Variants in CAD observed in about 807,000 individuals in gnomAD.
CAD encodes multifunctional protein CAD.
In CAD, 81 loss-of-function variants were observed where a neutral mutation model predicts 237.2. The ratio of observed to expected loss-of-function variants is 0.34; its 90% CI spans 0.29 to 0.41. The LOEUF is 0.41. Among genes scored for constraint, CAD ranks in the 10% least tolerant of loss-of-function variants. CAD has a pLI of 1.00. For missense variants in CAD, 2,181 were observed against 2,951.7 expected (o/e 0.74, Z 6.05); for synonymous variants, 1,196 against 1,162.8 (o/e 1.03, Z -0.58).
chr2:27,220,741 A>T (rs1426347319), intron 2 of CAD, among the ~76,000 whole-genome samples: 1 of 152,006 alleles, frequency 6.6e-6, no homozygotes, highest in African/African-American at 2.4e-5. Context: ...GCAGATCACA[A>T]GGTCAGGAGA....
In CAD at chr2:27,221,241, C is replaced by A; in HGVS notation, c.246C>A (p.His82Gln). The change falls in exon 3 of 44, where the codon CAC (histidine) becomes CAA (glutamine). Residue 82 changes from histidine to glutamine, a missense_variant. His to Gln is a conservative substitution (Grantham distance 24, BLOSUM62 0). Around this residue, in one of 12 missense-constraint regions of CAD, gnomAD observed 314 missense variants for 339.4 expected, o/e 0.93. Coordinates refer to ENST00000264705, the MANE Select transcript of CAD (RefSeq NM_004341.5). ...AGTGGTTTGAATCCTCGGGCATCCA[C>A]GTAGCAGCACTGGTAGTGGGAGAGT... The part of the protein sequence containing the change: ...LCKWFESSGI[H>Q]VAALVVGECC... 1 of 1,566,074 alleles carries A rather than the reference C, an allele frequency of 6.4e-7. No individual in the cohort carries two copies. Among genetic ancestry groups the A allele is most frequent in the South Asian group, 1.2e-5 (1 of 82,864 alleles).
Position 27,223,689 on chromosome 2 carries a change from C to T in CAD, c.936C>T (p.Phe312=). Residue 312 remains phenylalanine (F), a synonymous_variant, in exon 7 of 44, where the codon TTC becomes TTT. Coordinates refer to ENST00000264705, the MANE Select transcript of CAD (RefSeq NM_004341.5). ...DSLPADWAPL[F]TNANDGSNEG... ...TGCCAGCAGACTGGGCTCCTCTCTTCACCAACGCCAATGATGGTTCCAATG... is the reference window on the plus strand; with the variant it reads ...TGCCAGCAGACTGGGCTCCTCTCTTTACCAACGCCAATGATGGTTCCAATG... 2 of 1,614,208 alleles carry T rather than the reference C, an allele frequency of 1.2e-6. No homozygotes were observed. Among genetic ancestry groups the T allele is most frequent in the Non-Finnish European group, 1.7e-6 (2 of 1,180,024 alleles).
chr2:27,243,479 C>G lies in CAD; in HGVS notation c.6639C>G (p.Ile2213Met). Reference sequence around the variant, plus strand: ...GCCAGGCTGAGAACGGCATGTACATCCGCATGGCTCTGTTAGCCACCGTGC... The same window carrying G: ...GCCAGGCTGAGAACGGCATGTACATGCGCATGGCTCTGTTAGCCACCGTGC... ...YFRQAENGMY[I>M]RMALLATVLG... The change falls in exon 44 of 44, where the codon ATC (isoleucine) becomes ATG (methionine). Residue 2213 changes from isoleucine to methionine, a missense_variant. Ile to Met is a conservative substitution (Grantham distance 10). Around this residue, in one of 12 missense-constraint regions of CAD, gnomAD observed 170 missense variants for 212.1 expected, o/e 0.80. Coordinates refer to ENST00000264705, the MANE Select transcript of CAD (RefSeq NM_004341.5). The G allele has an allele frequency of 6.2e-7, 1 of 1,608,182 alleles. No homozygotes were observed. Among genetic ancestry groups the G allele is most frequent in the Non-Finnish European group, 8.5e-7 (1 of 1,178,114 alleles).
At position 27,232,391 on chromosome 2, in the gene CAD, C is replaced by T. The variant is rs1675802917; in HGVS notation, c.2646-57C>T. On this transcript the variant is annotated intron_variant, in intron 17 of 43. Transcript: ENST00000264705. This position sits in a 1 kb window ranked among gnomAD's most constrained non-coding sequence, Gnocchi z 4.1. Reference sequence around the variant, plus strand: ...ATCTGTGCCCTGGGGTCTCAACCCTCTATCAGTCTGTACCCTACTCTCTGG... The same window carrying T: ...ATCTGTGCCCTGGGGTCTCAACCCTTTATCAGTCTGTACCCTACTCTCTGG... The T allele has an allele frequency of 1.5e-5, 24 of 1,606,460 alleles. No homozygotes were observed. Among genetic ancestry groups the T allele is most frequent in the South Asian group, 2.2e-5 (2 of 89,796 alleles).
rs747346977 is a variant in CAD, at chr2:27,222,587, T to A, written c.564T>A (p.Asn188Lys). 1 of 1,614,114 alleles carries A rather than the reference T, an allele frequency of 6.2e-7. No homozygotes were observed. The highest frequency in any genetic ancestry group is 8.5e-7 in the Non-Finnish European group (1 of 1,180,016). The change falls in exon 5 of 44, where the codon AAT becomes AAA. Residue 188 changes from asparagine (N) to lysine (K), a missense_variant. By Grantham distance (94) the Asn-to-Lys change is moderately conservative. Around this residue, in one of 12 missense-constraint regions of CAD, gnomAD observed 314 missense variants for 339.4 expected, o/e 0.93. Transcript: ENST00000264705. Reference sequence around the variant, plus strand: ...CTTTGGACTGTGGCCTCAAGTATAATCAGATCCGATGCCTCTGCCAGCGTG... The same window carrying A: ...CTTTGGACTGTGGCCTCAAGTATAAACAGATCCGATGCCTCTGCCAGCGTG... ...ILALDCGLKY[N>K]QIRCLCQRGA...
rs771006887 is a variant in CAD at position 27,224,928 on chromosome 2, G to A, written c.1386+52G>A. 15 of 1,612,390 alleles carry A rather than the reference G, an allele frequency of 9.3e-6. No homozygotes were observed. In the East Asian group the frequency reaches 3.1e-4, roughly 34 times the overall value. ...AAAGAGGACTGGGCAGGGGGGCCCA[G>A]TGGTCACTGTGGGTTATTAAACTTT... On this transcript the variant is annotated intron_variant, in intron 10 of 43. Transcript: ENST00000264705.
intron 2 of CAD, among the ~76,000 whole-genome samples, chr2:27,219,899 T>C (rs1675071946): frequency 6.6e-6 from 1 of 152,212 alleles, no homozygotes; most frequent in Non-Finnish European, 1.5e-5. Flanking sequence ...TTTTCTTTTT[T>C]AAATAATCCC....
In CAD at chr2:27,217,871, T is replaced by C. The variant is rs2148051059; in HGVS notation, c.83-6T>C. On this transcript the variant is annotated splice_region_variant and splice_polypyrimidine_tract_variant and intron_variant, in intron 1 of 43. Transcript: ENST00000264705. Reference sequence around the variant, plus strand: ...ACCGGAGCCCAGCCCTGCTTCTTTCTTGCAGTGTTTCAAACCGGCATGGTC... The same window carrying C: ...ACCGGAGCCCAGCCCTGCTTCTTTCCTGCAGTGTTTCAAACCGGCATGGTC... The C allele has an allele frequency of 6.3e-7, 1 of 1,596,474 alleles. No individual in the cohort carries two copies. The highest frequency in any genetic ancestry group is 2.2e-5 in the East Asian group (1 of 44,514).
At position 27,224,364 on chromosome 2, in the gene CAD, G is replaced by A. The variant is rs545224716; in HGVS notation, c.1128G>A (p.Glu376=). ...GGQTVRERLT[E]RLCPPGIPTP... is the part of the protein sequence containing the mutation. ...CCACAGTTAGAGAGCGGCTGACTGA[G>A]CGCCTCTGTCCCCCTGGGATTCCCA... Residue 376 remains glutamate, a synonymous_variant, in exon 9 of 44, where the codon GAG becomes GAA. Transcript: ENST00000264705. 6.2e-7 allele frequency: 1 copy of A among 1,614,214 alleles called. No homozygotes were observed. Among genetic ancestry groups the A allele is most frequent in the Admixed American group, 1.7e-5 (1 of 60,030 alleles).
In CAD at chr2:27,239,431, G is replaced by A. The variant is rs750293336; in HGVS notation, c.5354G>A (p.Arg1785His). Reference sequence around the variant, plus strand: ...CAGAAAGTGAAGGGCACCGTCCGCCGTGTGGTCCTGCGAGGGGAGGTTGCC... The same window carrying A: ...CAGAAAGTGAAGGGCACCGTCCGCCATGTGGTCCTGCGAGGGGAGGTTGCC... ...EGQKVKGTVR[R>H]VVLRGEVAYI... The change falls in exon 33 of 44, where the codon CGT becomes CAT. Residue 1785 changes from arginine (R) to histidine (H), a missense_variant. Physicochemically the swap from Arg to His is conservative, Grantham distance 29 (BLOSUM62 0). Coordinates refer to ENST00000264705, the MANE Select transcript of CAD (RefSeq NM_004341.5). This position sits in a 1 kb window ranked among gnomAD's most constrained non-coding sequence, Gnocchi z 4.0. The A allele has an allele frequency of 5.0e-6, 8 of 1,613,902 alleles. No homozygotes were observed. Among genetic ancestry groups the A allele is most frequent in the South Asian group, 1.1e-5 (1 of 91,088 alleles).
At chr2:27,223,087 G>T (rs772159932) in intron 6 of CAD, 50 bp downstream of exon 6, 1 of 1,580,332 alleles carries the variant, frequency 6.3e-7, no homozygotes, top group South Asian at 1.1e-5. Context: ...CATGAGGGGT[G>T]GGGTGTCTCA....
rs750051658 is a variant in CAD, at chr2:27,239,016, G to A, written c.5063-26G>A. The A allele has an allele frequency of 6.5e-7, 1 of 1,532,742 alleles. No individual in the cohort carries two copies. Among genetic ancestry groups the A allele is most frequent in the South Asian group, 1.3e-5 (1 of 76,806 alleles). The allele number at this position is 1,532,742 out of a possible 1,614,324, so 94.9% of individuals were successfully genotyped here. A position where few individuals can be genotyped will look rare whatever the true frequency, so the allele number is the denominator to read the frequency against. On this transcript the variant is annotated intron_variant, in intron 31 of 43. Coordinates refer to ENST00000264705, the MANE Select transcript of CAD (RefSeq NM_004341.5). The surrounding 1 kb of genome is among the most constrained non-coding windows in gnomAD (Gnocchi z 4.0). Reference sequence around the variant, plus strand: ...CCTAGACATGGAGGTGATTGGTCCTGAGGGTAATGGCTTTCTTTCTCCCAG... The same window carrying A: ...CCTAGACATGGAGGTGATTGGTCCTAAGGGTAATGGCTTTCTTTCTCCCAG...
In CAD at chr2:27,242,534, C is replaced by T. The variant is rs1435034260; in HGVS notation, c.6223-86C>T. The T allele has an allele frequency of 1.9e-6, 3 of 1,556,852 alleles. No individual in the cohort carries two copies. The highest frequency in any genetic ancestry group is 4.5e-5 in the East Asian group (2 of 44,284). ...CAGCTGCATCAAGGAGGCCTTCATTCTGCTCCAGAGGCTTTTAAAAGCTTG... is the reference window on the plus strand; with the variant it reads ...CAGCTGCATCAAGGAGGCCTTCATTTTGCTCCAGAGGCTTTTAAAAGCTTG... On this transcript the variant is annotated intron_variant, in intron 40 of 43. Transcript: ENST00000264705. This position sits in a 1 kb window ranked among gnomAD's most constrained non-coding sequence, Gnocchi z 6.4.
rs1216995895 is a variant in CAD, at chr2:27,240,405, G to C, written c.5593+44G>C. 4 of 1,574,984 alleles carry C rather than the reference G, an allele frequency of 2.5e-6. No homozygotes were observed. The African/African-American group carries it at 4.0e-5, about 16-fold the overall frequency. ...TGACTCAGAGACTGTGTAGGGACAG[G>C]ATCCACTTCTTCCCAGTGCCTCGCC... On this transcript the variant is annotated intron_variant, in intron 35 of 43. Coordinates refer to ENST00000264705, the MANE Select transcript of CAD (RefSeq NM_004341.5). The surrounding 1 kb of genome is among the most constrained non-coding windows in gnomAD (Gnocchi z 4.6).
chr2:27,240,234 A>C lies in CAD; in HGVS notation c.5497-31A>C, dbSNP rs760064155. Reference sequence around the variant, plus strand: ...ACTCCGTCTCAAAAGAAAAAAAAAAAAACAACTCTGGGCCAACGTTATCCC... The same window carrying C: ...ACTCCGTCTCAAAAGAAAAAAAAAACAACAACTCTGGGCCAACGTTATCCC... On this transcript the variant is annotated intron_variant, in intron 34 of 43. Coordinates refer to ENST00000264705, the MANE Select transcript of CAD (RefSeq NM_004341.5). The surrounding 1 kb of genome is among the most constrained non-coding windows in gnomAD (Gnocchi z 4.6). The C allele has an allele frequency of 5.1e-6, 8 of 1,561,864 alleles. No homozygotes were observed. The highest frequency in any genetic ancestry group is 1.4e-5 in the African/African-American group (1 of 72,232).
At chr2:27,217,781 T>A in intron 1 of CAD, 96 bp from the exon 2 acceptor site, 1 of 1,482,196 alleles carries the variant, frequency 6.7e-7, no homozygotes, top group Non-Finnish European at 9.1e-7. Context: ...CATAAACCCC[T>A]CGCGACCAAG....
At chr2:27,226,697 G>C (rs775874741) in intron 14 of CAD, 48 bp downstream of exon 14, 2 of 1,610,542 alleles carry the variant, frequency 1.2e-6, no homozygotes, top group Non-Finnish European at 8.5e-7. Flanking sequence ...GTCGGGGGCT[G>C]AGGAAAATAT....
chr2:27,217,465 C>T lies in CAD; in HGVS notation c.-87C>T. ...GCGCCGTTAGCCACGTGGACCGACT[C>T]CGGCGCGCCGTCCTCACGTGGTTCC... On this transcript the variant is annotated 5_prime_UTR_variant, in exon 1 of 44. Coordinates refer to ENST00000264705, the MANE Select transcript of CAD (RefSeq NM_004341.5). 1.7e-6 allele frequency: 2 copies of T among 1,197,948 alleles called. No individual in the cohort carries two copies. The highest frequency in any genetic ancestry group is 2.4e-6 in the Non-Finnish European group (2 of 826,568). 74.2% of individuals were successfully genotyped at this position (1,197,948 alleles called of 1,614,324 possible). A position where few individuals can be genotyped will look rare whatever the true frequency, so the allele number is the denominator to read the frequency against.
At chr2:27,218,143 T>G in intron 2 of CAD, 127 bp downstream of exon 2, 1 of 787,960 alleles carries the variant, frequency 1.3e-6, no homozygotes, top group Non-Finnish European at 1.9e-6. Context: ...AGTAGTAAAG[T>G]CAAGGACTAA....
Sources: allele counts gnomAD v4.1 joint callset (sites outside exome capture counted in the v4.1 genomes callset), GRCh38; gene constraint gnomAD v4.1.1; regional missense constraint gnomAD v4.1.1; non-coding constraint Gnocchi (gnomAD v3.1); transcripts MANE v1.5; gene names NCBI Gene and HGNC (gene_info 2026-07-23, HGNC 2026-07-21).